TRPM3: variants seen among roughly 807,000 people sequenced by gnomAD.
TRPM3 encodes the protein long transient receptor potential channel 3.
TRPM3 carries 77 observed loss-of-function variants against 181.2 expected under a neutral mutation model. The ratio of observed to expected loss-of-function variants is 0.42; its 90% CI spans 0.35 to 0.51. The LOEUF is 0.51. TRPM3 is among the 20% of genes least tolerant of loss of function. The probability of loss-of-function intolerance (pLI) is 0.01; values close to 1 mark genes in which losing one functional copy is unlikely to be tolerated. For synonymous variants in TRPM3, 745 were observed against 796.4 expected (o/e 0.94, Z 1.09); for missense variants, 1,759 against 2,196.7 (o/e 0.80, Z 3.98).
intron 22 of TRPM3, among the ~76,000 whole-genome samples, chr9:70,573,448 ATGTC>A (rs1369092596): frequency 6.6e-6 from 1 of 152,216 alleles, no homozygotes; most frequent in African/African-American, 2.4e-5. Context: ...ACCTATGTGA[ATGTC>A]TGCTGGGATA....
intron 1 of TRPM3, among the ~76,000 whole-genome samples, chr9:70,898,048 C>A (rs2096308198): frequency 6.6e-6 from 1 of 152,066 alleles, no homozygotes; most frequent in African/African-American, 2.4e-5. Context: ...ATAAATGACT[C>A]ATTAGGACGG....
intron 1 of TRPM3, among the ~76,000 whole-genome samples, chr9:71,356,179 C>T (rs1020308633): frequency 6.6e-6 from 1 of 152,120 alleles, no homozygotes. Context: ...ATATCATATG[C>T]TTTTAACGGA....
intron 9 of TRPM3, among the ~76,000 whole-genome samples, chr9:70,680,002 G>A (rs1184848539): frequency 2.0e-5 from 3 of 152,256 alleles, no homozygotes; most frequent in Admixed American, 6.5e-5. Context: ...ATGCTTTAGA[G>A]CAGCGGTTCT....
chr9:71,214,626 GCTC>G (rs2079729191), intron 1 of TRPM3, among the ~76,000 whole-genome samples: 1 of 151,970 alleles, frequency 6.6e-6, no homozygotes. Flanking sequence ...ATCTTTGACG[GCTC>G]CTGAGTACTG....
intron 1 of TRPM3, among the ~76,000 whole-genome samples, chr9:71,354,116 TG>T (rs2091790760): frequency 6.6e-6 from 1 of 152,194 alleles, no homozygotes; most frequent in South Asian, 2.1e-4. Context: ...CCTGAAATTT[TG>T]TTCATGTTTT....
chr9:71,371,539 C>G (rs556840031), intron 1 of TRPM3, among the ~76,000 whole-genome samples: 1 of 152,288 alleles, frequency 6.6e-6, no homozygotes, highest in African/African-American at 2.4e-5. Context: ...GACTGAATTG[C>G]TGCAGTTTCA....
intron 1 of TRPM3, among the ~76,000 whole-genome samples, chr9:71,228,446 T>C (rs906453620): frequency 1.3e-5 from 2 of 152,116 alleles, no homozygotes; most frequent in Admixed American, 6.6e-5. Flanking sequence ...ACCACTGTTA[T>C]TCAACATAGT....
At chr9:71,292,631 T>A (rs977973354) in intron 1 of TRPM3, among the ~76,000 whole-genome samples, 14 of 152,048 alleles carry the variant, frequency 9.2e-5, no homozygotes, top group Admixed American at 3.9e-4. Flanking sequence ...CTAATAATGT[T>A]TTTTAAAAAA....
intron 1 of TRPM3, among the ~76,000 whole-genome samples, chr9:71,397,479 A>C (rs1355510445): frequency 1.3e-5 from 2 of 152,216 alleles, no homozygotes; most frequent in Non-Finnish European, 2.9e-5. Flanking sequence ...TGTTATATAC[A>C]ACATCACAGT....
chr9:71,400,014 G>C (rs1433788638), intron 1 of TRPM3, among the ~76,000 whole-genome samples: 1 of 152,062 alleles, frequency 6.6e-6, no homozygotes, highest in Admixed American at 6.5e-5. Context: ...AGTTTCTTCA[G>C]GTGAGAAATA....
At chr9:71,177,758 T>C (rs7865847) in intron 1 of TRPM3, among the ~76,000 whole-genome samples, 103,054 of 151,904 alleles carry the variant, frequency 0.68, 35,332 homozygotes, top group African/African-American at 0.78. Context: ...GCTCTTGTTT[T>C]CCCTACCTTT....
At chr9:71,225,393 A>G (rs1309375890) in intron 1 of TRPM3, among the ~76,000 whole-genome samples, 8 of 152,186 alleles carry the variant, frequency 5.3e-5, no homozygotes, top group African/African-American at 7.2e-5. Flanking sequence ...ATATCCTTCA[A>G]ACATGAAGGA....
At chr9:70,995,926 T>C (rs2097537555) in intron 1 of TRPM3, among the ~76,000 whole-genome samples, 1 of 152,212 alleles carries the variant, frequency 6.6e-6, no homozygotes, top group African/African-American at 2.4e-5. Flanking sequence ...CACTTTTCCC[T>C]CTATAATTCC....
rs148648676 is a variant in TRPM3, at chr9:71,121,311, T to C, written c.44A>G (p.Gln15Arg). Residue 15 changes from glutamine to arginine, a missense_variant, in exon 1 of 26, where the codon CAG (glutamine) becomes CGG (arginine). Transcript: ENST00000677713. The stretch of plus-strand genomic sequence containing the variant: ...CCAGGAAAACAAGAAACTGAAAACC[T>C]GAGCAATGCCTAGAAAATAAACGGT... ...WGTVYFLGIAQVFSFLFSWWN... is the reference protein window; with the variant it reads ...WGTVYFLGIARVFSFLFSWWN... The C allele has an allele frequency of 5.4e-4, 877 of 1,614,004 alleles. 4 individuals carry two copies. In the African/African-American group the frequency reaches 0.01, roughly 18 times the overall value.
intron 1 of TRPM3, among the ~76,000 whole-genome samples, chr9:70,866,620 G>A (rs2095654992): frequency 6.6e-6 from 1 of 152,048 alleles, no homozygotes. Flanking sequence ...GCTCAGATGA[G>A]GGGACTATGA....
At chr9:71,422,625 A>G (rs60954364) in intron 1 of TRPM3, among the ~76,000 whole-genome samples, 20,846 of 152,090 alleles carry the variant, frequency 0.14, 1,528 homozygotes, top group South Asian at 0.25. Flanking sequence ...TATATATACA[A>G]AAACTTGTGA....
At chr9:71,388,065 T>C (rs1424003600) in intron 1 of TRPM3, among the ~76,000 whole-genome samples, 1 of 152,172 alleles carries the variant, frequency 6.6e-6, no homozygotes, top group Non-Finnish European at 1.5e-5. Context: ...AATCAAAGAC[T>C]TGTTAGTCAG....
intron 8 of TRPM3, among the ~76,000 whole-genome samples, chr9:70,752,049 T>TGCGCGCGC (rs367694647): frequency 1.5e-4 from 17 of 116,346 alleles, no homozygotes; most frequent in South Asian, 5.8e-4. Context: ...TGTGTGTGTG[T>TGCGCGCGC]GCGCGCGCGC....
At chr9:71,099,322 C>T (rs2067884702) in intron 1 of TRPM3, among the ~76,000 whole-genome samples, 1 of 152,094 alleles carries the variant, frequency 6.6e-6, no homozygotes, top group South Asian at 2.1e-4. Flanking sequence ...GTTACCTCCC[C>T]AAAGATTCCA....
Sources: gnomAD v4.1 joint callset for allele counts (sites outside exome capture counted in the v4.1 genomes callset) on GRCh38, gnomAD v4.1.1 for gene constraint, MANE v1.5 for transcripts, NCBI Gene and HGNC (gene_info 2026-07-23, HGNC 2026-07-21) for gene names.